Variants in FSTL5 observed in about 807,000 individuals in gnomAD.
FSTL5 encodes follistatin-related protein 5.
A neutral mutation model predicts 89.1 loss-of-function variants in FSTL5; 62 were observed. The observed-to-expected ratio is 0.70, with a 90% CI of 0.57 to 0.86. FSTL5 has a LOEUF of 0.86. FSTL5 is among the 40% of genes least tolerant of loss of function. The pLI is 0.00. For synonymous variants in FSTL5, 383 were observed against 346.2 expected (o/e 1.11, Z -1.18); for missense variants, 1,057 against 1,001.6 (o/e 1.06, Z -0.75).
chr4:161,563,658 G>A (rs954026973), intron 8 of FSTL5, among the ~76,000 whole-genome samples: 2 of 151,810 alleles, frequency 1.3e-5, no homozygotes, highest in African/African-American at 4.8e-5. Context: ...TAATCACCCC[G>A]TAGCAGTCAA....
At chr4:162,156,732 G>A (rs1733489042) in intron 1 of FSTL5, among the ~76,000 whole-genome samples, 1 of 152,034 alleles carries the variant, frequency 6.6e-6, no homozygotes, top group Non-Finnish European at 1.5e-5. Context: ...GCAAGCACTG[G>A]AGTCTACAAG....
At chr4:161,899,921 G>C (rs192311464) in intron 4 of FSTL5, among the ~76,000 whole-genome samples, 1 of 152,192 alleles carries the variant, frequency 6.6e-6, no homozygotes. Flanking sequence ...TTGGCTGAGC[G>C]TGGTGGCTCA....
chr4:161,770,890 G>A (rs1741184592), intron 5 of FSTL5, among the ~76,000 whole-genome samples: 1 of 151,958 alleles, frequency 6.6e-6, no homozygotes, highest in African/African-American at 2.4e-5. Context: ...GAATGTCAAT[G>A]TTTAGTTGTC....
At chr4:161,596,207 A>G (rs1734006762) in intron 7 of FSTL5, among the ~76,000 whole-genome samples, 1 of 151,918 alleles carries the variant, frequency 6.6e-6, no homozygotes, top group Non-Finnish European at 1.5e-5. Flanking sequence ...AGAATCAGTA[A>G]ATAACACTGT....
chr4:161,475,336 T>C (rs1388705284), intron 13 of FSTL5, among the ~76,000 whole-genome samples: 1 of 152,194 alleles, frequency 6.6e-6, no homozygotes, highest in Admixed American at 6.5e-5. Context: ...CCAAATATTC[T>C]GTTGGCCATT....
intron 6 of FSTL5, among the ~76,000 whole-genome samples, chr4:161,714,372 A>C (rs934837858): frequency 6.6e-6 from 1 of 152,216 alleles, no homozygotes; most frequent in Non-Finnish European, 1.5e-5. Flanking sequence ...AGTGATCTCC[A>C]TTTTATTTAA....
At chr4:162,026,107 A>G (rs1737272326) in intron 3 of FSTL5, among the ~76,000 whole-genome samples, 2 of 151,166 alleles carry the variant, frequency 1.3e-5, no homozygotes, top group African/African-American at 4.8e-5. Context: ...TAAAACAGGG[A>G]TTTTTGTAAG....
intron 7 of FSTL5, among the ~76,000 whole-genome samples, chr4:161,624,839 C>T (rs1735260353): frequency 6.6e-6 from 1 of 152,084 alleles, no homozygotes; most frequent in South Asian, 2.1e-4. Context: ...TTTGTAGATA[C>T]TGCTGAATTT....
intron 4 of FSTL5, among the ~76,000 whole-genome samples, chr4:161,910,931 T>C (rs1733672765): frequency 1.3e-5 from 2 of 152,156 alleles, no homozygotes; most frequent in Non-Finnish European, 2.9e-5. Context: ...CTGCTACATT[T>C]TGATTTTTTT....
At chr4:161,804,770 G>A (rs1729906448) in intron 4 of FSTL5, among the ~76,000 whole-genome samples, 1 of 151,980 alleles carries the variant, frequency 6.6e-6, no homozygotes, top group African/African-American at 2.4e-5. Context: ...AGGTAATTAC[G>A]AAGGGACTCT....
At chr4:161,629,929 C>A (rs1469864188) in intron 7 of FSTL5, among the ~76,000 whole-genome samples, 2 of 152,152 alleles carry the variant, frequency 1.3e-5, no homozygotes, top group South Asian at 4.1e-4. Flanking sequence ...GACTTCCAGT[C>A]GGAGGCTCAG....
At chr4:162,156,562 A>G (rs1484302629) in intron 1 of FSTL5, among the ~76,000 whole-genome samples, 2 of 152,188 alleles carry the variant, frequency 1.3e-5, no homozygotes, top group African/African-American at 4.8e-5. Flanking sequence ...CTACACAGCC[A>G]TAAAGAAGGA....
At chr4:161,769,864 C>T (rs1234795630) in intron 5 of FSTL5, among the ~76,000 whole-genome samples, 1 of 151,434 alleles carries the variant, frequency 6.6e-6, no homozygotes, top group African/African-American at 2.4e-5. Context: ...AGTCAAATTA[C>T]TGTTGTTTGC....
intron 6 of FSTL5, among the ~76,000 whole-genome samples, chr4:161,686,326 ATATATATATATATATATATATTTTTTT>A (rs1467815761): frequency 2.1e-3 from 22 of 10,512 alleles, no homozygotes; most frequent in South Asian, 0.01. Context: ...ATATATATAT[ATATATATATATATATATATATTTTTTT>A]TTTTTTTTTT....
chr4:161,408,154 G>C (rs1252366342), intron 15 of FSTL5, among the ~76,000 whole-genome samples: 1 of 152,088 alleles, frequency 6.6e-6, no homozygotes, highest in Non-Finnish European at 1.5e-5. Flanking sequence ...CCCATGAACA[G>C]ACCTGGTGAG....
intron 6 of FSTL5, among the ~76,000 whole-genome samples, chr4:161,688,280 G>A (rs1218571352): frequency 6.6e-6 from 1 of 152,036 alleles, no homozygotes; most frequent in Non-Finnish European, 1.5e-5. Context: ...ATGGAATCTT[G>A]CCTTGTTGCC....
At chr4:161,446,198 G>T (rs1284837594) in intron 15 of FSTL5, among the ~76,000 whole-genome samples, 2 of 151,862 alleles carry the variant, frequency 1.3e-5, no homozygotes, top group African/African-American at 4.8e-5. Flanking sequence ...AAAACTGCCT[G>T]CACAGCCACC....
chr4:161,726,207 T>G (rs1257453222), intron 6 of FSTL5, among the ~76,000 whole-genome samples: 1 of 144,484 alleles, frequency 6.9e-6, no homozygotes, highest in Non-Finnish European at 1.5e-5. Flanking sequence ...TGCAACTCTT[T>G]TTTTTTCTTT....
At position 161,809,054 on chromosome 4, in the gene FSTL5, G is replaced by A. The variant is rs542747631; in HGVS notation, c.410-32980C>T. Among the ~76,000 whole-genome samples, 209 of 151,982 alleles carry A rather than the reference G, an allele frequency of 1.4e-3. 1 individual carries two copies. The highest frequency in any genetic ancestry group is 6.8e-3 in the Middle Eastern group (2 of 294). Reference sequence around the variant, plus strand: ...TAACACAGTGAAACCCCGTTTCTACGAAAAATACAAAAAAATTAGCCAGGC... The same window carrying A: ...TAACACAGTGAAACCCCGTTTCTACAAAAAATACAAAAAAATTAGCCAGGC... On this transcript the variant is annotated intron_variant, in intron 4 of 15. Coordinates refer to ENST00000306100, the MANE Select transcript of FSTL5 (RefSeq NM_020116.5).
Sources: gnomAD v4.1 joint callset for allele counts (sites outside exome capture counted in the v4.1 genomes callset) on GRCh38, gnomAD v4.1.1 for gene constraint, MANE v1.5 for transcripts, NCBI Gene and HGNC (gene_info 2026-07-23, HGNC 2026-07-21) for gene names.